The following CTSA variants were observed in gnomAD, a reference collection of about 807,000 sequenced individuals.
The protein encoded by CTSA is lysosomal protective protein.
A neutral mutation model predicts 66.7 loss-of-function variants in CTSA; 42 were observed. The ratio of observed to expected loss-of-function variants is 0.63; its 90% CI spans 0.49 to 0.81. The LOEUF is 0.81. Ranked by LOEUF, CTSA falls within the 40% of genes least tolerant of loss-of-function variation. The pLI is 0.00. For synonymous variants in CTSA, 225 were observed against 248.6 expected, an observed-to-expected ratio of 0.91 and a Z score of 0.89; for missense variants, 525 against 610.9, an observed-to-expected ratio of 0.86 and a Z score of 1.48.
Position 45,898,763 on chromosome 20 carries a change from G to C in CTSA, c.*313G>C. On this transcript the variant is annotated 3_prime_UTR_variant, in exon 15 of 15. Coordinates refer to ENST00000646241, the MANE Select transcript of CTSA (RefSeq NM_000308.4). The surrounding 1 kb of genome is among the most constrained non-coding windows in gnomAD (Gnocchi z 4.6). Reference sequence around the variant, plus strand: ...AGCTCAGGACAGCCCACAGGGAGGTGGTGGACGGACTGTAATTGATAGATT... The same window carrying C: ...AGCTCAGGACAGCCCACAGGGAGGTCGTGGACGGACTGTAATTGATAGATT... 1.3e-6 allele frequency: 1 copy of C among 765,012 alleles called. No individual in the cohort carries two copies. Among genetic ancestry groups the C allele is most frequent in the Non-Finnish European group, 2.1e-6 (1 of 478,402 alleles). The allele number at this position is 765,012 out of a possible 1,614,324, so 47.4% of individuals were successfully genotyped here.
rs368145247 is a variant in CTSA, at chr20:45,892,267, C to T, written c.307-6C>T. 8 of 1,613,844 alleles carry T rather than the reference C, an allele frequency of 5.0e-6. No individual in the cohort carries two copies. Among genetic ancestry groups the T allele is most frequent in the African/African-American group, 1.3e-5 (1 of 74,926 alleles). On this transcript the variant is annotated splice_polypyrimidine_tract_variant and splice_region_variant and intron_variant, in intron 3 of 14. Transcript: ENST00000646241. ...GGACTTACTCAGCCATCTCTTTCCT[C>T]CTCAGGTCCAGCCAGATGGTGTCAC...
chr20:45,896,938 T>C (rs1416596992), intron 11 of CTSA, 27 bp from the exon 12 acceptor site: 1 of 1,604,414 alleles, frequency 6.2e-7, no homozygotes, highest in South Asian at 1.1e-5. Flanking sequence ...CTGGTCTTCC[T>C]GGGGCCTGCT....
At chr20:45,893,926 G>A (rs559983779) in intron 7 of CTSA, 62 bp from the exon 8 acceptor site, 44 of 1,037,008 alleles carry the variant, frequency 4.2e-5, no homozygotes, top group South Asian at 3.9e-4. Context: ...GGGTATGCTC[G>A]CCTCCTCTGC....
At chr20:45,892,905 G>C in intron 6 of CTSA, 25 bp downstream of exon 6, 1 of 1,613,322 alleles carries the variant, frequency 6.2e-7, no homozygotes, top group South Asian at 1.1e-5. Context: ...CAGGAGGGAA[G>C]GGAGGTAGCT....
chr20:45,893,469 T>A (rs1417141967), intron 7 of CTSA, 158 bp downstream of exon 7: 2 of 624,564 alleles, frequency 3.2e-6, no homozygotes, highest in Non-Finnish European at 5.7e-6. Flanking sequence ...AGAATAGAGA[T>A]CAGTTTTTCT....
intron 8 of CTSA, 137 bp from the exon 9 acceptor site, chr20:45,894,513 G>C (rs1351611731): frequency 1.3e-6 from 1 of 793,760 alleles, no homozygotes; most frequent in South Asian, 1.4e-5. Context: ...TCCTGCCACT[G>C]AGCCTCAGTT....
Position 45,897,810 on chromosome 20 carries a change from AG to A in CTSA, c.1254+6del, listed in dbSNP as rs1433470100. 8.1e-6 allele frequency: 13 copies of A among 1,603,712 alleles called. No individual in the cohort carries two copies. The highest frequency in any genetic ancestry group is 1.1e-5 in the Non-Finnish European group (13 of 1,170,692). ...TGTGGATTCCCTCAACCAGAAGGTA[AG>A]GTAGAGATTCCTGGCCCTGGGATAG... On this transcript the variant is annotated splice_donor_5th_base_variant and intron_variant, in intron 13 of 14. Coordinates refer to ENST00000646241, the MANE Select transcript of CTSA (RefSeq NM_000308.4).
chr20:45,897,845 G>T (rs779373499), intron 13 of CTSA, 39 bp downstream of exon 13: 1 of 1,536,970 alleles, frequency 6.5e-7, no homozygotes, highest in Non-Finnish European at 9.0e-7. Flanking sequence ...AGGGGCTGCT[G>T]TGGAGGATTG....
Position 45,892,639 on chromosome 20 carries a change from T to C in CTSA, c.445-86T>C, listed in dbSNP as rs763595473. 7 of 1,565,774 alleles carry C rather than the reference T, an allele frequency of 4.5e-6. No individual in the cohort carries two copies. The Admixed American group carries it at 6.7e-5, about 15-fold the overall frequency. ...GTCACTTCCTCTTGCACAAATAGGG[T>C]GGGTTAATGTCATTATCTCTGAAGT... On this transcript the variant is annotated intron_variant, in intron 5 of 14. Transcript: ENST00000646241.
Position 45,891,953 on chromosome 20 carries a change from G to A in CTSA, c.232G>A (p.Val78Met), listed in dbSNP as rs765256820. ...ESQKDPENSP[V>M]VLWLNGGPGC... ...CCAGAAGGATCCCGAGAACAGCCCT[G>A]TGGTGCTTTGGCTCAATGGGGGTCC... Residue 78 changes from valine to methionine, a missense_variant, in exon 3 of 15, where the codon GTG becomes ATG. By Grantham distance (21) the Val-to-Met change is conservative. Transcript: ENST00000646241. The surrounding 1 kb of genome is among the most constrained non-coding windows in gnomAD (Gnocchi z 4.6). 5 of 1,614,072 alleles carry A rather than the reference G, an allele frequency of 3.1e-6. No homozygotes were observed. Among genetic ancestry groups the A allele is most frequent in the Admixed American group, 1.7e-5 (1 of 60,008 alleles).
In CTSA at chr20:45,895,065, C is replaced by T. The variant is rs755985726; in HGVS notation, c.1020C>T (p.Tyr340=). 1.2e-6 allele frequency: 2 copies of T among 1,614,204 alleles called. No individual in the cohort carries two copies. The highest frequency in any genetic ancestry group is 1.7e-6 in the Non-Finnish European group (2 of 1,180,026). The change falls in exon 11 of 15, where the codon TAC becomes TAT. Residue 340 remains tyrosine, a synonymous_variant. Transcript: ENST00000646241. ...PCTNTTAAST[Y]LNNPYVRKAL... ...CCAACACAACAGCTGCTTCCACCTA[C>T]CTCAACAACCCGTACGTGCGGAAGG... is the stretch of plus-strand genomic sequence containing the variant.
At chr20:45,897,366 C>A in intron 12 of CTSA, 2 of 500,408 alleles carry the variant, frequency 4.0e-6, no homozygotes, top group Non-Finnish European at 3.6e-6. Context: ...ACTGGCAGGG[C>A]CAAGTTAGGA....
intron 12 of CTSA, 112 bp from the exon 13 acceptor site, chr20:45,897,605 C>T (rs1052366121): frequency 8.0e-6 from 6 of 746,016 alleles, no homozygotes; most frequent in African/African-American, 5.2e-5. Flanking sequence ...TTCCCTGGTT[C>T]GTGTTATCTA....
chr20:45,895,214 C>G (rs2145819937), intron 11 of CTSA, 81 bp downstream of exon 11: 1 of 1,550,722 alleles, frequency 6.4e-7, no homozygotes, highest in South Asian at 1.1e-5. Context: ...CAGGGATCTT[C>G]TGTGTAGAGT....
Position 45,892,304 on chromosome 20 carries a change from AC to A in CTSA, c.342del (p.Tyr115IlefsTer5), listed in dbSNP as rs755100318. 1.2e-6 allele frequency: 2 copies of A among 1,614,006 alleles called. No individual in the cohort carries two copies. The highest frequency in any genetic ancestry group is 1.7e-6 in the Non-Finnish European group (2 of 1,179,988). ...CCAGATGGTGTCACCCTGGAGTACAACCCCTATTCTTGGAATCTGGTATAGC... is the reference window on the plus strand; with the variant it reads ...CCAGATGGTGTCACCCTGGAGTACAACCCTATTCTTGGAATCTGGTATAGC... ...VQPDGVTLEY[N>X]PYSWNLIANV... is the part of the protein sequence containing the mutation. On this transcript the variant is annotated frameshift_variant, in exon 4 of 15. Coordinates refer to ENST00000646241, the MANE Select transcript of CTSA (RefSeq NM_000308.4). LOFTEE classifies it high-confidence loss of function.
Position 45,897,769 on chromosome 20 carries a change from T to G in CTSA, c.1217T>G (p.Met406Arg). The change falls in exon 13 of 15, where the codon ATG becomes AGG. Residue 406 changes from methionine (M) to arginine (R), a missense_variant. Physicochemically the swap from Met to Arg is moderately conservative, Grantham distance 91. Transcript: ENST00000646241. ...GATGTAGACATGGCCTGCAATTTCA[T>G]GGGGGATGAGTGGTTTGTGGATTCC... ...NGDVDMACNF[M>R]GDEWFVDSLN... The G allele has an allele frequency of 8.7e-6, 14 of 1,612,598 alleles. No individual in the cohort carries two copies. Among genetic ancestry groups the G allele is most frequent in the Non-Finnish European group, 1.2e-5 (14 of 1,178,744 alleles).
At chr20:45,894,926 C>G (rs201880659) in intron 10 of CTSA, 25 bp downstream of exon 10, 1 of 1,614,184 alleles carries the variant, frequency 6.2e-7, no homozygotes, top group Admixed American at 1.7e-5. Context: ...GGGCTTCCTC[C>G]TGGTGAGGTG....
In CTSA at chr20:45,895,045, A is replaced by G. The variant is rs759573488; in HGVS notation, c.1000A>G (p.Thr334Ala). 1.2e-6 allele frequency: 2 copies of G among 1,614,156 alleles called. No homozygotes were observed. The highest frequency in any genetic ancestry group is 1.7e-6 in the Non-Finnish European group (2 of 1,180,018). The change falls in exon 11 of 15, where the codon ACA becomes GCA. Residue 334 changes from threonine to alanine, a missense_variant. Coordinates refer to ENST00000646241, the MANE Select transcript of CTSA (RefSeq NM_000308.4). The part of the protein sequence containing the change: ...KVRMDPPCTN[T>A]TAASTYLNNP... ...GCGCATGGACCCCCCCTGCACCAAC[A>G]CAACAGCTGCTTCCACCTACCTCAA...
At chr20:45,892,251 C>T (rs1986998448) in intron 3 of CTSA, 22 bp from the exon 4 acceptor site, 3 of 1,613,392 alleles carry the variant, frequency 1.9e-6, no homozygotes, top group Non-Finnish European at 2.5e-6. Flanking sequence ...GGGACTTACT[C>T]AGCCATCTCT....
Sources: gnomAD v4.1 joint callset for allele counts on GRCh38, gnomAD v4.1.1 for gene constraint, Gnocchi (gnomAD v3.1) non-coding constraint, MANE v1.5 for transcripts, NCBI Gene and HGNC (gene_info 2026-07-23, HGNC 2026-07-21) for gene names.